The following HOOK3 variants were observed in gnomAD, a reference collection of about 807,000 sequenced individuals.
HOOK3 encodes the protein hook microtubule tethering protein 3, also known as protein Hook homolog 3.
In HOOK3, 24 loss-of-function variants were observed where a neutral mutation model predicts 116.3. The ratio of observed to expected loss-of-function variants is 0.21; its 90% CI spans 0.15 to 0.29. The LOEUF (loss-of-function observed/expected upper bound fraction) is 0.29. HOOK3 is among the 10% of genes least tolerant of loss of function. The pLI is 1.00. For synonymous variants in HOOK3, 275 were observed against 283.0 expected (o/e 0.97, Z 0.28); for missense variants, 632 against 830.2 (o/e 0.76, Z 2.93).
rs1809888222 is a variant in HOOK3, at chr8:43,024,078, G to A, written c.*5580G>A. 1 of 207,480 alleles carries A rather than the reference G, an allele frequency of 4.8e-6. No homozygotes were observed. Among genetic ancestry groups the A allele is most frequent in the African/African-American group, 2.3e-5 (1 of 43,892 alleles). The allele number at this position is 207,480 out of a possible 1,614,324, so 12.9% of individuals were successfully genotyped here. On this transcript the variant is annotated 3_prime_UTR_variant, in exon 22 of 22. Transcript: ENST00000307602. ...AAAGCATCCACAACCCACAGCTAGT[G>A]GAAACCGAGCTAGTTTACAGCCACG...
intron 10 of HOOK3, among the ~76,000 whole-genome samples, chr8:42,967,560 A>G (rs1273033345): frequency 1.3e-5 from 2 of 152,042 alleles, no homozygotes; most frequent in Non-Finnish European, 2.9e-5. Context: ...CTTCATACAC[A>G]TGCACACGCG....
intron 18 of HOOK3, 33 bp downstream of exon 18, chr8:43,007,962 G>A (rs1809524475): frequency 8.2e-7 from 1 of 1,217,310 alleles, no homozygotes; most frequent in African/African-American, 1.5e-5. Context: ...GTTTTTAAGT[G>A]GGCTTGCTGT....
intron 4 of HOOK3, among the ~76,000 whole-genome samples, chr8:42,940,922 TTTTATTTA>T (rs58441707): frequency 0.025 from 3,723 of 151,764 alleles, 154 homozygotes; most frequent in African/African-American, 0.085. Context: ...ATTTTGTTTA[TTTTATTTA>T]TTTATTTATT....
intron 2 of HOOK3, among the ~76,000 whole-genome samples, chr8:42,921,239 G>T (rs7003072): frequency 2.6e-5 from 4 of 151,582 alleles, no homozygotes; most frequent in African/African-American, 9.7e-5. Flanking sequence ...CTGACTTGCC[G>T]CTTGGGTGGT....
chr8:42,969,952 G>T (rs1178490567), intron 11 of HOOK3, among the ~76,000 whole-genome samples: 1 of 152,042 alleles, frequency 6.6e-6, no homozygotes, highest in African/African-American at 2.4e-5. Context: ...TCAGCATAAT[G>T]AACTTAAAGT....
At chr8:42,989,746 TC>T (rs1420706585) in intron 15 of HOOK3, among the ~76,000 whole-genome samples, 24 of 152,252 alleles carry the variant, frequency 1.6e-4, no homozygotes, top group Non-Finnish European at 3.1e-4. Context: ...CCACTACCCT[TC>T]CCAGCCTCTG....
rs769286512 is a variant in HOOK3, at chr8:43,013,130, G to A, written c.1919G>A (p.Arg640Gln). ...GCTCTTAAAAATCAGCTCCAGGAACGAGACCGACTGTTCCACTCATTAGAG... is the reference window on the plus strand; with the variant it reads ...GCTCTTAAAAATCAGCTCCAGGAACAAGACCGACTGTTCCACTCATTAGAG... ...IQALKNQLQE[R>Q]DRLFHSLEKE... The change falls in exon 20 of 22, where the codon CGA becomes CAA. Residue 640 changes from arginine to glutamine, a missense_variant. Coordinates refer to ENST00000307602, the MANE Select transcript of HOOK3 (RefSeq NM_032410.4). The A allele has an allele frequency of 3.5e-5, 56 of 1,610,262 alleles. No homozygotes were observed. The highest frequency in any genetic ancestry group is 4.2e-5 in the Non-Finnish European group (50 of 1,176,828).
At chr8:42,988,427 C>T (rs1173276169) in intron 15 of HOOK3, among the ~76,000 whole-genome samples, 1 of 152,162 alleles carries the variant, frequency 6.6e-6, no homozygotes, top group Non-Finnish European at 1.5e-5. Flanking sequence ...TGTGTTGTTT[C>T]TCACAGGCTT....
intron 6 of HOOK3, among the ~76,000 whole-genome samples, chr8:42,950,749 A>C (rs1473643034): frequency 1.3e-5 from 2 of 150,670 alleles, no homozygotes; most frequent in African/African-American, 5.0e-5. Flanking sequence ...GCAGTGGTAC[A>C]ATCTGGGCTC....
rs185048904 is a variant in HOOK3, at chr8:42,939,839, C to T, written c.268-3474C>T. ...CCGGGCAGAGACGCTCCTCACATCC[C>T]GGACGGGGCGGCAGGGCAGAGGCGC... On this transcript the variant is annotated intron_variant, in intron 4 of 21. Transcript: ENST00000307602. Among the ~76,000 whole-genome samples, 641 of 151,452 alleles carry T rather than the reference C, an allele frequency of 4.2e-3. 18 individuals carry two copies. The highest frequency in any genetic ancestry group is 0.038 in the Admixed American group (585 of 15,246).
intron 1 of HOOK3, among the ~76,000 whole-genome samples, chr8:42,904,346 G>A (rs1386862205): frequency 2.0e-4 from 26 of 128,110 alleles, no homozygotes; most frequent in African/African-American, 7.3e-4. Flanking sequence ...GTCTCGCTCT[G>A]TCGCCCAGGC....
chr8:43,003,535 A>G (rs1322216645), intron 17 of HOOK3, among the ~76,000 whole-genome samples: 2 of 152,208 alleles, frequency 1.3e-5, no homozygotes, highest in African/African-American at 4.8e-5. Context: ...AGTCATTTAC[A>G]TGGTGAAAAA....
At chr8:42,932,559 CT>C (rs1563294276) in intron 4 of HOOK3, among the ~76,000 whole-genome samples, 1 of 151,912 alleles carries the variant, frequency 6.6e-6, no homozygotes, top group South Asian at 2.1e-4. Context: ...TGTAATTTTT[CT>C]TTTTTTTCTC....
intron 15 of HOOK3, among the ~76,000 whole-genome samples, chr8:42,992,374 TG>T: frequency 3.3e-5 from 4 of 119,910 alleles, no homozygotes; most frequent in Admixed American, 1.1e-4. Flanking sequence ...CACTCCAGCC[TG>T]GGCGACAGAG....
At chr8:42,995,396 A>G (rs1041304308) in intron 15 of HOOK3, among the ~76,000 whole-genome samples, 2 of 152,056 alleles carry the variant, frequency 1.3e-5, no homozygotes, top group Admixed American at 6.6e-5. Flanking sequence ...CCTTTCTACT[A>G]TATTCAGTGT....
chr8:42,946,515 T>TG (rs2130390246), intron 5 of HOOK3, among the ~76,000 whole-genome samples: 1 of 151,322 alleles, frequency 6.6e-6, no homozygotes, highest in African/African-American at 2.5e-5. Flanking sequence ...TTGAAGACGA[T>TG]GAATTTTTTT....
intron 17 of HOOK3, among the ~76,000 whole-genome samples, chr8:43,006,938 A>G (rs950300955): frequency 1.3e-4 from 19 of 151,928 alleles, no homozygotes; most frequent in African/African-American, 3.9e-4. Flanking sequence ...CCAGGGGAAA[A>G]TATCTCACTT....
intron 15 of HOOK3, among the ~76,000 whole-genome samples, chr8:42,989,963 A>G (rs1221448872): frequency 6.6e-6 from 1 of 152,082 alleles, no homozygotes; most frequent in Non-Finnish European, 1.5e-5. Flanking sequence ...CTACATCTAC[A>G]TATACCACAT....
chr8:42,980,151 A>C (rs1389745978), intron 13 of HOOK3, among the ~76,000 whole-genome samples: 1 of 151,140 alleles, frequency 6.6e-6, no homozygotes, highest in Non-Finnish European at 1.5e-5. Context: ...TTTAGTAGAG[A>C]CCATGTTGGC....
Sources: allele counts gnomAD v4.1 joint callset (sites outside exome capture counted in the v4.1 genomes callset), GRCh38; gene constraint gnomAD v4.1.1; transcripts MANE v1.5; gene names NCBI Gene and HGNC (gene_info 2026-07-23, HGNC 2026-07-21).